The following PLCB4 variants were observed in gnomAD, a reference collection of about 807,000 sequenced individuals.
PLCB4 encodes phospholipase C beta 4.
In PLCB4, 77 loss-of-function variants were observed where a neutral mutation model predicts 178.8. That is an observed-to-expected ratio of 0.43 (90% CI 0.36 to 0.52). The LOEUF (loss-of-function observed/expected upper bound fraction) is 0.52, where lower values mean the gene tolerates loss of function less well. Among genes scored for constraint, PLCB4 ranks in the 20% least tolerant of loss-of-function variants. The pLI is 0.00. For missense variants in PLCB4, 1,024 were observed against 1,453.4 expected (o/e 0.70, Z 4.80); for synonymous variants, 496 against 490.8 (o/e 1.01, Z -0.14).
intron 2 of PLCB4, among the ~76,000 whole-genome samples, chr20:9,216,188 T>C (rs543728367): frequency 2.7e-5 from 4 of 149,646 alleles, no homozygotes; most frequent in African/African-American, 9.7e-5. Flanking sequence ...GTGTACTTCT[T>C]TTTTTTTTTG....
intron 30 of PLCB4, among the ~76,000 whole-genome samples, chr20:9,443,047 G>A (rs2042204170): frequency 6.6e-6 from 1 of 152,132 alleles, no homozygotes; most frequent in Admixed American, 6.5e-5. Flanking sequence ...GAAACTGTTT[G>A]AGGATCTGGC....
intron 25 of PLCB4, among the ~76,000 whole-genome samples, chr20:9,415,832 T>C (rs2040205046): frequency 6.6e-6 from 1 of 152,180 alleles, no homozygotes; most frequent in African/African-American, 2.4e-5. Flanking sequence ...ACTGCACAAT[T>C]AGCACATCCA....
intron 2 of PLCB4, among the ~76,000 whole-genome samples, chr20:9,139,063 C>T (rs1187419043): frequency 6.6e-6 from 1 of 152,046 alleles, no homozygotes; most frequent in African/African-American, 2.4e-5. Context: ...GAACAAAGTC[C>T]AGTCAGGTAT....
At chr20:9,262,089 T>C (rs1164354240) in intron 3 of PLCB4, among the ~76,000 whole-genome samples, 1 of 152,162 alleles carries the variant, frequency 6.6e-6, no homozygotes, top group African/African-American at 2.4e-5. Context: ...AAAGTGGGAA[T>C]TTGGAATTGT....
At chr20:9,083,404 G>T (rs2090252518) in intron 1 of PLCB4, among the ~76,000 whole-genome samples, 1 of 151,818 alleles carries the variant, frequency 6.6e-6, no homozygotes, top group South Asian at 2.1e-4. Context: ...CACCGCAGGT[G>T]CTTGAGCCAC....
rs201133387 is a variant in PLCB4 at position 9,401,629 on chromosome 20, C to G, written c.1611+39C>G. 18 of 1,353,616 alleles carry G rather than the reference C, an allele frequency of 1.3e-5. No homozygotes were observed. The East Asian group carries it at 3.9e-4, about 29-fold the overall frequency. 83.9% of individuals were successfully genotyped at this position (1,353,616 alleles called of 1,614,324 possible). A position where few individuals can be genotyped will look rare whatever the true frequency, so the allele number is the denominator to read the frequency against. ...TTCTTTCATCACTCTCAAGAGGTAG[C>G]AGCTGTTATTTATGAAATTTTGGAA... is the stretch of plus-strand genomic sequence containing the variant. On this transcript the variant is annotated intron_variant, in intron 20 of 39. Coordinates refer to ENST00000378473, the MANE Select transcript of PLCB4 (RefSeq NM_001377142.1).
chr20:9,436,133 A>G (rs1230557406), intron 29 of PLCB4, among the ~76,000 whole-genome samples: 4 of 152,228 alleles, frequency 2.6e-5, no homozygotes, highest in Non-Finnish European at 5.9e-5. Context: ...TAAGTTGTAT[A>G]TAAAACATAA....
chr20:9,242,636 C>T (rs945014478), intron 3 of PLCB4, among the ~76,000 whole-genome samples: 1 of 152,230 alleles, frequency 6.6e-6, no homozygotes, highest in Admixed American at 6.5e-5. Flanking sequence ...ATGCCCTTCT[C>T]TTGGCTTAGG....
At chr20:9,303,226 A>G (rs942202345) in intron 3 of PLCB4, among the ~76,000 whole-genome samples, 5 of 152,168 alleles carry the variant, frequency 3.3e-5, no homozygotes, top group Admixed American at 2.6e-4. Context: ...CTATGTGGTT[A>G]TGTGTGTACA....
At chr20:9,461,290 C>T (rs1159883182) in intron 35 of PLCB4, among the ~76,000 whole-genome samples, 2 of 152,192 alleles carry the variant, frequency 1.3e-5, no homozygotes, top group Admixed American at 1.3e-4. Context: ...GGGCTTCATT[C>T]CAAGATGGCT....
intron 20 of PLCB4, 103 bp from the exon 21 acceptor site, chr20:9,405,210 C>G: frequency 1.7e-6 from 1 of 605,712 alleles, no homozygotes; most frequent in Non-Finnish European, 2.9e-6. Flanking sequence ...AATAGAATAA[C>G]AAGTTTACCT....
Position 9,161,871 on chromosome 20 carries a change from C to A in PLCB4, c.-78-55519C>A, listed in dbSNP as rs185091562. 9.9e-5 allele frequency among the ~76,000 whole-genome samples: 15 copies of A among 152,072 alleles called. No individual in the cohort carries two copies. In the East Asian group the frequency reaches 2.9e-3, roughly 29 times the overall value. ...AAAACAGAGGTTCCATTCTGTGATACGAAAAGATAATTATTAATAAACTAA... is the reference window on the plus strand; with the variant it reads ...AAAACAGAGGTTCCATTCTGTGATAAGAAAAGATAATTATTAATAAACTAA... On this transcript the variant is annotated intron_variant, in intron 2 of 39. Transcript: ENST00000378473.
At chr20:9,245,650 A>G (rs2094116848) in intron 3 of PLCB4, among the ~76,000 whole-genome samples, 1 of 152,084 alleles carries the variant, frequency 6.6e-6, no homozygotes, top group Admixed American at 6.6e-5. Flanking sequence ...GTCTCCCCCT[A>G]GAACCTCTGT....
intron 4 of PLCB4, among the ~76,000 whole-genome samples, chr20:9,324,878 A>G (rs966726704): frequency 6.6e-6 from 1 of 152,252 alleles, no homozygotes. Flanking sequence ...AGCATTTTCA[A>G]AAGCTGCATT....
At chr20:9,435,064 G>C (rs1050824328) in intron 28 of PLCB4, among the ~76,000 whole-genome samples, 15 of 152,138 alleles carry the variant, frequency 9.9e-5, no homozygotes, top group Admixed American at 3.9e-4. Context: ...ACCAAAATTG[G>C]CTTTGAATAT....
At position 9,413,179 on chromosome 20, in the gene PLCB4, A is replaced by G. The variant is rs561349771; in HGVS notation, c.2051+2091A>G. Among the ~76,000 whole-genome samples, 105 of 152,280 alleles carry G rather than the reference A, an allele frequency of 6.9e-4. 3 individuals are homozygous for G. The South Asian group carries it at 0.021, about 31-fold the overall frequency. ...GGCATGGCTGTGCTCACTTCTGAAA[A>G]CTTGCAGTGGCCCGGTGATGCTTGA... On this transcript the variant is annotated intron_variant, in intron 25 of 39. Transcript: ENST00000378473.
intron 7 of PLCB4, among the ~76,000 whole-genome samples, chr20:9,342,826 T>C (rs34290820): frequency 0.07 from 10,712 of 152,176 alleles, 422 homozygotes; most frequent in Middle Eastern, 0.095. Flanking sequence ...CTTGTCTACA[T>C]GGAATTTGAG....
At chr20:9,261,005 CA>C (rs1192736624) in intron 3 of PLCB4, among the ~76,000 whole-genome samples, 2 of 152,110 alleles carry the variant, frequency 1.3e-5, no homozygotes, top group Admixed American at 6.6e-5. Context: ...GTCCAAGAGG[CA>C]AGTGTTCGCA....
chr20:9,393,851 C>T (rs554554425), intron 18 of PLCB4, among the ~76,000 whole-genome samples, 173 bp downstream of exon 18: 2 of 152,202 alleles, frequency 1.3e-5, no homozygotes, highest in South Asian at 4.1e-4. Context: ...AATTTAATTT[C>T]CATATCAATT....
Sources: allele counts gnomAD v4.1 joint callset (sites outside exome capture counted in the v4.1 genomes callset), GRCh38; gene constraint gnomAD v4.1.1; transcripts MANE v1.5; gene names NCBI Gene and HGNC (gene_info 2026-07-23, HGNC 2026-07-21).